CHKA: variants seen among roughly 807,000 people sequenced by gnomAD.
CHKA encodes CHETK-alpha.
Under a neutral mutation model 60.1 loss-of-function variants are expected in CHKA, and 34 were observed. The ratio of observed to expected loss-of-function variants is 0.57; its 90% CI spans 0.43 to 0.75. The LOEUF (loss-of-function observed/expected upper bound fraction) is 0.75. Ranked by LOEUF, CHKA falls within the 30% of genes least tolerant of loss-of-function variation. The pLI, the probability that CHKA is intolerant of heterozygous loss-of-function variation, is 0.00. For missense variants in CHKA, 563 were observed against 561.3 expected (o/e 1.00, Z -0.03); for synonymous variants, 217 against 223.1 (o/e 0.97, Z 0.24).
chr11:68,056,007 C>T (rs1431611927), intron 11 of CHKA, among the ~76,000 whole-genome samples: 2 of 152,116 alleles, frequency 1.3e-5, no homozygotes, highest in Non-Finnish European at 2.9e-5. Flanking sequence ...GAGATCGCAC[C>T]ATTGAACTCC....
chr11:68,055,374 C>G (rs150655493), intron 11 of CHKA, among the ~76,000 whole-genome samples: 1 of 152,302 alleles, frequency 6.6e-6, no homozygotes, highest in East Asian at 1.9e-4. Context: ...GCCTGGGCAA[C>G]AGAGTGAGAC....
At chr11:68,089,718 C>G (rs1857291579) in intron 2 of CHKA, 1 of 152,200 alleles carries the variant, frequency 6.6e-6, no homozygotes, top group African/African-American at 2.4e-5. Context: ...ACTTAACAAG[C>G]ATTACAACTT....
intron 1 of CHKA, among the ~76,000 whole-genome samples, chr11:68,108,341 A>G (rs766466750): frequency 6.6e-6 from 1 of 152,106 alleles, no homozygotes; most frequent in African/African-American, 2.4e-5. Context: ...AAGAAAAGAA[A>G]TACCACTCAA....
chr11:68,110,087 A>C (rs1858076526), intron 1 of CHKA, among the ~76,000 whole-genome samples: 1 of 152,214 alleles, frequency 6.6e-6, no homozygotes, highest in South Asian at 2.1e-4. Flanking sequence ...ATGGTAAATA[A>C]TAAACTCTCA....
chr11:68,113,511 C>T (rs1311777419), intron 1 of CHKA, among the ~76,000 whole-genome samples: 1 of 150,712 alleles, frequency 6.6e-6, no homozygotes. Context: ...GCCTGTCCAA[C>T]ACAGTGAAAC....
At chr11:68,069,567 C>G (rs917459141) in intron 6 of CHKA, among the ~76,000 whole-genome samples, 1 of 152,002 alleles carries the variant, frequency 6.6e-6, no homozygotes, top group Non-Finnish European at 1.5e-5. Context: ...GCCTGTAGTT[C>G]CAGCTACTCG....
intron 6 of CHKA, among the ~76,000 whole-genome samples, chr11:68,069,851 A>G (rs989348989): frequency 6.6e-6 from 1 of 151,796 alleles, no homozygotes; most frequent in African/African-American, 2.4e-5. Flanking sequence ...TCTTCCTCAC[A>G]CTCCCCAGCC....
chr11:68,082,373 GTTAC>G (rs1181007048), intron 2 of CHKA: 2 of 152,556 alleles, frequency 1.3e-5, no homozygotes, highest in African/African-American at 4.8e-5. Flanking sequence ...CTCTAAAAAT[GTTAC>G]TTGTTAAATT....
intron 2 of CHKA, among the ~76,000 whole-genome samples, chr11:68,084,471 C>T (rs1253351554): frequency 2.1e-5 from 3 of 139,904 alleles, no homozygotes; most frequent in East Asian, 2.1e-4. Context: ...TATAGGAATC[C>T]GTGGGATTTT....
At chr11:68,065,990 G>T in intron 8 of CHKA, 96 bp from the exon 9 acceptor site, 1 of 805,670 alleles carries the variant, frequency 1.2e-6, no homozygotes, top group Non-Finnish European at 2.0e-6. Context: ...TTCCGAGCAC[G>T]CCACTCCTGT....
intron 11 of CHKA, among the ~76,000 whole-genome samples, chr11:68,056,091 TTA>T (rs1224984179): frequency 6.6e-6 from 1 of 152,120 alleles, no homozygotes; most frequent in African/African-American, 2.4e-5. Context: ...TCTGGCTGAG[TTA>T]TGAGTTCTTT....
intron 3 of CHKA, among the ~76,000 whole-genome samples, chr11:68,079,534 T>C (rs528040797): frequency 5.3e-5 from 8 of 152,170 alleles, no homozygotes; most frequent in Non-Finnish European, 1.0e-4. Context: ...GGTTTCACCA[T>C]GTTAGCCAGG....
chr11:68,101,060 G>A (rs1377222928), intron 1 of CHKA, among the ~76,000 whole-genome samples: 1 of 142,360 alleles, frequency 7.0e-6, no homozygotes, highest in Non-Finnish European at 1.5e-5. Context: ...CCATTCTCCT[G>A]CCTCAGCCTC....
chr11:68,094,737 T>C (rs542512780), intron 2 of CHKA, among the ~76,000 whole-genome samples: 4 of 152,346 alleles, frequency 2.6e-5, no homozygotes, highest in Non-Finnish European at 4.4e-5. Flanking sequence ...GGATGCCAGC[T>C]ATCTGCACCT....
chr11:68,110,330 A>C (rs1858085595), intron 1 of CHKA, among the ~76,000 whole-genome samples: 1 of 152,224 alleles, frequency 6.6e-6, no homozygotes, highest in African/African-American at 2.4e-5. Context: ...TTTGTAGATG[A>C]TATGATTATC....
intron 1 of CHKA, among the ~76,000 whole-genome samples, chr11:68,106,767 G>C (rs79864642): frequency 2.0e-5 from 3 of 152,192 alleles, no homozygotes; most frequent in Non-Finnish European, 4.4e-5. Flanking sequence ...GAGGATGCCA[G>C]AAGGAAGAAA....
chr11:68,093,173 A>AT (rs955803060), intron 2 of CHKA, among the ~76,000 whole-genome samples: 4 of 151,898 alleles, frequency 2.6e-5, no homozygotes, highest in South Asian at 2.1e-4. Context: ...ACGCCCAGCT[A>AT]TTTTTTTATA....
At chr11:68,057,610 C>CG (rs748553551) in intron 11 of CHKA, among the ~76,000 whole-genome samples, 23 of 152,284 alleles carry the variant, frequency 1.5e-4, no homozygotes, top group Admixed American at 3.3e-4. Context: ...TGAGCCACCG[C>CG]GACCAGTCTA....
chr11:68,111,578 T>C (rs1362206380), intron 1 of CHKA, among the ~76,000 whole-genome samples: 1 of 151,488 alleles, frequency 6.6e-6, no homozygotes, highest in Non-Finnish European at 1.5e-5. Flanking sequence ...AAAATAAAAA[T>C]AAAAAAGCTA....
Sources: allele counts gnomAD v4.1 joint callset (sites outside exome capture counted in the v4.1 genomes callset), GRCh38; gene constraint gnomAD v4.1.1; transcripts MANE v1.5; gene names NCBI Gene and HGNC (gene_info 2026-07-23, HGNC 2026-07-21).